The following SERPINI1 variants were observed in gnomAD, a reference collection of about 807,000 sequenced individuals.
SERPINI1 encodes the protein neuroserpin.
In SERPINI1, 19 loss-of-function variants were observed where a neutral mutation model predicts 41.1. That is an observed-to-expected ratio of 0.46 (90% CI 0.32 to 0.68). The LOEUF is 0.68. Among genes scored for constraint, SERPINI1 ranks in the 30% least tolerant of loss-of-function variants. SERPINI1 has a pLI of 0.03. For missense variants in SERPINI1, 460 were observed against 479.2 expected, an observed-to-expected ratio of 0.96 and a Z score of 0.37; for synonymous variants, 138 against 156.6, an observed-to-expected ratio of 0.88 and a Z score of 0.89.
chr3:167,794,767 T>A lies in SERPINI1; in HGVS notation c.824T>A (p.Leu275Gln). Residue 275 changes from leucine to glutamine, a missense_variant, in exon 5 of 9, where the codon CTG (leucine) becomes CAG (glutamine). Transcript: ENST00000446050. Reference protein sequence around the residue: ...ATLEPLVKAQLVEEWANSVKK... With the variant: ...ATLEPLVKAQQVEEWANSVKK... ...CTGGAGCCATTAGTCAAAGCACAGC[T>A]GGTTGAAGAATGGGCAAACTCTGTG... The A allele has an allele frequency of 6.2e-7, 1 of 1,613,684 alleles. No homozygotes were observed. Among genetic ancestry groups the A allele is most frequent in the East Asian group, 2.2e-5 (1 of 44,874 alleles).
intron 1 of SERPINI1, among the ~76,000 whole-genome samples, chr3:167,751,800 AT>A (rs758466000): frequency 2.0e-5 from 3 of 151,954 alleles, no homozygotes; most frequent in African/African-American, 7.2e-5. Flanking sequence ...AAAGCCTCCA[AT>A]ATTAGTGATT....
At chr3:167,824,137 A>G (rs1389886261) in intron 7 of SERPINI1, among the ~76,000 whole-genome samples, 1 of 152,084 alleles carries the variant, frequency 6.6e-6, no homozygotes, top group East Asian at 1.9e-4. Context: ...CTCAAAAGTC[A>G]TTTTAGTAAA....
rs1219356010 is a variant in SERPINI1, at chr3:167,792,858, T to G, written c.676+74T>G. 2.3e-6 allele frequency: 3 copies of G among 1,314,468 alleles called. No homozygotes were observed. The African/African-American group carries it at 4.4e-5, about 19-fold the overall frequency. The allele number at this position is 1,314,468 out of a possible 1,614,324, so 81.4% of individuals were successfully genotyped here. On this transcript the variant is annotated intron_variant, in intron 4 of 8. Coordinates refer to ENST00000446050, the MANE Select transcript of SERPINI1 (RefSeq NM_001122752.2). Reference sequence around the variant, plus strand: ...GATTTCTAAGAAAAACATGAAGCATTCATATTCAAACTCCTTGTCAATCTA... The same window carrying G: ...GATTTCTAAGAAAAACATGAAGCATGCATATTCAAACTCCTTGTCAATCTA...
At chr3:167,743,314 C>A (rs1226724831) in intron 1 of SERPINI1, among the ~76,000 whole-genome samples, 1 of 152,008 alleles carries the variant, frequency 6.6e-6, no homozygotes, top group Non-Finnish European at 1.5e-5. Context: ...TGATTATTAC[C>A]TAAATTATGA....
intron 2 of SERPINI1, among the ~76,000 whole-genome samples, chr3:167,789,926 T>C (rs1297861938): frequency 6.6e-6 from 1 of 152,198 alleles, no homozygotes; most frequent in Non-Finnish European, 1.5e-5. Context: ...TGCTCTGATA[T>C]ACGTGTGAAT....
intron 5 of SERPINI1, among the ~76,000 whole-genome samples, chr3:167,806,873 A>G (rs780146003): frequency 2.6e-5 from 4 of 151,908 alleles, no homozygotes; most frequent in Non-Finnish European, 4.4e-5. Flanking sequence ...AAAATAAAAT[A>G]TATTACTACT....
At chr3:167,781,504 C>T (rs1727123250) in intron 1 of SERPINI1, among the ~76,000 whole-genome samples, 1 of 151,734 alleles carries the variant, frequency 6.6e-6, no homozygotes, top group Non-Finnish European at 1.5e-5. Context: ...ATTTAGTAGC[C>T]CTATGTAGGT....
At chr3:167,771,837 G>A (rs1726760748) in intron 1 of SERPINI1, among the ~76,000 whole-genome samples, 1 of 138,842 alleles carries the variant, frequency 7.2e-6, no homozygotes, top group Admixed American at 7.2e-5. Flanking sequence ...GTGTGCGCGT[G>A]TGTGTGTGTG....
chr3:167,812,767 G>T (rs1447293956), intron 6 of SERPINI1, among the ~76,000 whole-genome samples: 2 of 152,086 alleles, frequency 1.3e-5, no homozygotes, highest in African/African-American at 2.4e-5. Flanking sequence ...CATTGCTTTT[G>T]TTGGTAAATT....
At position 167,789,241 on chromosome 3, in the gene SERPINI1, G is replaced by C. The variant is rs1475691627; in HGVS notation, c.113G>C (p.Arg38Thr). ...DLSVNMYNRL[R>T]ATGEDENILF... ...TCAGTGAATATGTATAATCGTCTTA[G>C]AGCCACTGGTGAAGATGAAAATATT... The change falls in exon 2 of 9, where the codon AGA becomes ACA. Residue 38 changes from arginine to threonine, a missense_variant. Coordinates refer to ENST00000446050, the MANE Select transcript of SERPINI1 (RefSeq NM_001122752.2). 11 of 1,614,036 alleles carry C rather than the reference G, an allele frequency of 6.8e-6. No individual in the cohort carries two copies. The highest frequency in any genetic ancestry group is 9.3e-6 in the Non-Finnish European group (11 of 1,180,032).
At chr3:167,783,713 A>G (rs575457025) in intron 1 of SERPINI1, among the ~76,000 whole-genome samples, 1 of 152,300 alleles carries the variant, frequency 6.6e-6, no homozygotes, top group Admixed American at 6.5e-5. Flanking sequence ...AACATTCAGG[A>G]GAAGTCAGAG....
chr3:167,776,017 C>A (rs11924870), intron 1 of SERPINI1, among the ~76,000 whole-genome samples: 19,510 of 152,132 alleles, frequency 0.13, 1,526 homozygotes, highest in African/African-American at 0.21. Flanking sequence ...GAGGCCTTAC[C>A]AGGTGTTTCC....
chr3:167,749,712 C>T (rs1725983601), intron 1 of SERPINI1, among the ~76,000 whole-genome samples: 1 of 152,120 alleles, frequency 6.6e-6, no homozygotes, highest in Non-Finnish European at 1.5e-5. Flanking sequence ...GTGAAATTCA[C>T]CTTATTTATC....
chr3:167,796,197 T>C (rs1156473499), intron 5 of SERPINI1, among the ~76,000 whole-genome samples: 1 of 152,028 alleles, frequency 6.6e-6, no homozygotes, highest in Admixed American at 6.6e-5. Flanking sequence ...GAAGGAGATC[T>C]ATTTGGAACT....
chr3:167,756,148 T>TA (rs1726186264), intron 1 of SERPINI1, among the ~76,000 whole-genome samples: 1 of 151,326 alleles, frequency 6.6e-6, no homozygotes, highest in Non-Finnish European at 1.5e-5. Flanking sequence ...TAAACTCCTC[T>TA]ACATTCCTAG....
rs1161127213 is a variant in SERPINI1 at position 167,744,769 on chromosome 3, ATATT to A, written c.-19+8947_-19+8950del. Among the ~76,000 whole-genome samples, 7 of 118,452 alleles carry A rather than the reference ATATT, an allele frequency of 5.9e-5. No individual in the cohort carries two copies. In the East Asian group the frequency reaches 6.4e-4, roughly 11 times the overall value. The allele number at this position is 118,452 out of a possible 152,430, so 77.7% of individuals were successfully genotyped here. A position where few individuals can be genotyped will look rare whatever the true frequency, so the allele number is the denominator to read the frequency against. On this transcript the variant is annotated intron_variant, in intron 1 of 8. Transcript: ENST00000446050. ...ATAACTATATTTATATATTAAATAT[ATATT>A]ATATATAACTATGGTTATATATATA...
intron 6 of SERPINI1, among the ~76,000 whole-genome samples, chr3:167,818,357 G>A (rs953582562): frequency 3.9e-5 from 6 of 152,028 alleles, no homozygotes; most frequent in Non-Finnish European, 7.4e-5. Context: ...TGTGGAGAAA[G>A]GTTCACAGAT....
rs1263412765 is a variant in SERPINI1, at chr3:167,744,862, T to C, written c.-19+9039T>C. Reference sequence around the variant, plus strand: ...TTATATATAACTATAGTTATATATATATATAAATATATATATATCAACTGA... The same window carrying C: ...TTATATATAACTATAGTTATATATACATATAAATATATATATATCAACTGA... On this transcript the variant is annotated intron_variant, in intron 1 of 8. Transcript: ENST00000446050. Among the ~76,000 whole-genome samples, 10 of 125,952 alleles carry C rather than the reference T, an allele frequency of 7.9e-5. No individual in the cohort carries two copies. In the Admixed American group the frequency reaches 8.4e-4, roughly 11 times the overall value. 82.6% of individuals were successfully genotyped at this position (125,952 alleles called of 152,430 possible). A position where few individuals can be genotyped will look rare whatever the true frequency, so the allele number is the denominator to read the frequency against.
chr3:167,801,393 A>G (rs1374638984), intron 5 of SERPINI1, among the ~76,000 whole-genome samples: 1 of 152,148 alleles, frequency 6.6e-6, no homozygotes, highest in Admixed American at 6.5e-5. Flanking sequence ...TTTAATGTTT[A>G]TAATTTATGA....
Sources: allele counts gnomAD v4.1 joint callset (sites outside exome capture counted in the v4.1 genomes callset), GRCh38; gene constraint gnomAD v4.1.1; transcripts MANE v1.5; gene names NCBI Gene and HGNC (gene_info 2026-07-23, HGNC 2026-07-21).